Variants in MAGI3 observed in about 807,000 individuals in gnomAD.
MAGI3 encodes membrane associated guanylate kinase, WW and PDZ domain containing 3.
A neutral mutation model predicts 121.8 loss-of-function variants in MAGI3; 43 were observed. That is an observed-to-expected ratio of 0.35 (90% CI 0.28 to 0.46). The LOEUF is 0.46. MAGI3 is among the 20% of genes least tolerant of loss of function. MAGI3 has a pLI of 1.00. For synonymous variants in MAGI3, 553 were observed against 639.3 expected, an observed-to-expected ratio of 0.86 and a Z score of 2.04; for missense variants, 1,547 against 1,797.3, an observed-to-expected ratio of 0.86 and a Z score of 2.52.
intron 1 of MAGI3, among the ~76,000 whole-genome samples, chr1:113,489,513 G>A (rs905261787): frequency 8.6e-5 from 13 of 152,026 alleles, no homozygotes; most frequent in East Asian, 1.9e-4. Flanking sequence ...TCACATCTCC[G>A]TTCCAGCAAG....
In MAGI3 at chr1:113,681,250, A is replaced by G; in HGVS notation, c.3242A>G (p.His1081Arg). The change falls in exon 20 of 21, where the codon CAT (histidine) becomes CGT (arginine). Residue 1081 changes from histidine to arginine, a missense_variant. Physicochemically the swap from His to Arg is conservative, Grantham distance 29. Transcript: ENST00000307546. ...GGGGAACCTACACAAGGAATCACAC[A>G]TACTCGAGCAATTGAGCTCATTCAG... ...INGEPTQGIT[H>R]TRAIELIQAG... 1 of 1,614,174 alleles carries G rather than the reference A, an allele frequency of 6.2e-7. No individual in the cohort carries two copies. The highest frequency in any genetic ancestry group is 2.2e-5 in the East Asian group (1 of 44,866).
intron 6 of MAGI3, among the ~76,000 whole-genome samples, chr1:113,610,778 C>CA (rs1320404320): frequency 3.3e-5 from 5 of 151,902 alleles, no homozygotes; most frequent in Non-Finnish European, 7.4e-5. Flanking sequence ...TACTAAAATA[C>CA]AAAAAATTAG....
intron 1 of MAGI3, among the ~76,000 whole-genome samples, chr1:113,416,360 T>A (rs867545636): frequency 8.2e-6 from 1 of 121,652 alleles, no homozygotes; most frequent in Admixed American, 9.7e-5. Context: ...ATATATTAAT[T>A]TATATTATAT....
At chr1:113,535,664 C>T (rs897231857) in intron 1 of MAGI3, among the ~76,000 whole-genome samples, 2 of 152,086 alleles carry the variant, frequency 1.3e-5, no homozygotes, top group African/African-American at 4.8e-5. Context: ...CTTTCAGAAA[C>T]GTTGTGCAAC....
chr1:113,588,907 A>T (rs747906011), intron 4 of MAGI3, among the ~76,000 whole-genome samples: 9 of 152,138 alleles, frequency 5.9e-5, no homozygotes, highest in Non-Finnish European at 1.2e-4. Context: ...GGTAAAGAGA[A>T]TTATTTTCTT....
At chr1:113,569,101 C>T (rs899775483) in intron 2 of MAGI3, among the ~76,000 whole-genome samples, 4 of 152,096 alleles carry the variant, frequency 2.6e-5, no homozygotes, top group African/African-American at 9.7e-5. Context: ...GAATTTAACT[C>T]AGGTTATACT....
intron 1 of MAGI3, among the ~76,000 whole-genome samples, chr1:113,489,008 G>C (rs1277562951): frequency 6.6e-6 from 1 of 152,200 alleles, no homozygotes; most frequent in Non-Finnish European, 1.5e-5. Context: ...CCCACATGGA[G>C]ACAGGCATCC....
chr1:113,669,689 C>A (rs997350158), intron 16 of MAGI3, among the ~76,000 whole-genome samples: 1 of 152,110 alleles, frequency 6.6e-6, no homozygotes, highest in African/African-American at 2.4e-5. Context: ...GCCACCACAC[C>A]CAACTAATTT....
intron 1 of MAGI3, among the ~76,000 whole-genome samples, chr1:113,445,745 AT>A (rs1654146774): frequency 6.6e-6 from 1 of 152,350 alleles, no homozygotes; most frequent in East Asian, 1.9e-4. Flanking sequence ...CGGCTGGCAT[AT>A]TCAAAGTACT....
chr1:113,600,883 T>C (rs1002190886), intron 6 of MAGI3, among the ~76,000 whole-genome samples: 6 of 152,138 alleles, frequency 3.9e-5, no homozygotes, highest in Non-Finnish European at 8.8e-5. Context: ...TATAGATCAA[T>C]GGGACAGAAC....
chr1:113,551,140 A>C (rs1031218208), intron 2 of MAGI3, among the ~76,000 whole-genome samples: 4 of 152,162 alleles, frequency 2.6e-5, no homozygotes, highest in African/African-American at 9.7e-5. Context: ...TACTTGGGCA[A>C]GTTACTTAAT....
rs528950148 is a variant in MAGI3 at position 113,470,374 on chromosome 1, GA to G, written c.316+79032del. Among the ~76,000 whole-genome samples, 44 of 151,860 alleles carry G rather than the reference GA, an allele frequency of 2.9e-4. 1 individual carries two copies. In the East Asian group the frequency reaches 8.5e-3, roughly 29 times the overall value. ...CGCATTCTAGTTTGTGGGAAAAGGG[GA>G]AAAAAACAAGTGGAAAGCAAGCAGC... On this transcript the variant is annotated intron_variant, in intron 1 of 20. Coordinates refer to ENST00000307546, the MANE Select transcript of MAGI3 (RefSeq NM_001142782.2).
At chr1:113,673,634 C>T (rs531097744) in intron 19 of MAGI3, among the ~76,000 whole-genome samples, 169 bp downstream of exon 19, 3 of 152,220 alleles carry the variant, frequency 2.0e-5, no homozygotes, top group East Asian at 1.9e-4. Flanking sequence ...GCTTTTCTAA[C>T]GCCCTGATGA....
At chr1:113,602,378 A>G (rs1649457969) in intron 6 of MAGI3, among the ~76,000 whole-genome samples, 2 of 152,194 alleles carry the variant, frequency 1.3e-5, no homozygotes, top group Non-Finnish European at 2.9e-5. Flanking sequence ...TGGGTTAAGA[A>G]CAAAATCAAG....
intron 1 of MAGI3, among the ~76,000 whole-genome samples, chr1:113,415,139 A>G (rs1652231913): frequency 6.6e-6 from 1 of 152,230 alleles, no homozygotes; most frequent in South Asian, 2.1e-4. Flanking sequence ...TAATGTTTTT[A>G]GTAGCTTTCT....
At chr1:113,407,074 C>T (rs1332016918) in intron 1 of MAGI3, among the ~76,000 whole-genome samples, 2 of 152,026 alleles carry the variant, frequency 1.3e-5, no homozygotes, top group Non-Finnish European at 2.9e-5. Context: ...AAGAAGTAGA[C>T]GGGGACCAGT....
intron 6 of MAGI3, among the ~76,000 whole-genome samples, chr1:113,609,292 A>G (rs1649979111): frequency 6.6e-6 from 1 of 152,196 alleles, no homozygotes. Context: ...TAGGTTTTAT[A>G]GGTTAAGATA....
intron 14 of MAGI3, among the ~76,000 whole-genome samples, chr1:113,651,514 G>A (rs1412830583): frequency 6.6e-6 from 1 of 152,008 alleles, no homozygotes; most frequent in Non-Finnish European, 1.5e-5. Flanking sequence ...TTGAGTTGAG[G>A]TAGAGTCTCA....
At chr1:113,600,001 G>A (rs1010866107) in intron 6 of MAGI3, among the ~76,000 whole-genome samples, 16 of 152,220 alleles carry the variant, frequency 1.1e-4, no homozygotes, top group Admixed American at 8.5e-4. Context: ...TGCAGAAAAG[G>A]CCTTTGAAAA....
Sources: allele counts gnomAD v4.1 joint callset (sites outside exome capture counted in the v4.1 genomes callset), GRCh38; gene constraint gnomAD v4.1.1; transcripts MANE v1.5; gene names NCBI Gene and HGNC (gene_info 2026-07-23, HGNC 2026-07-21).